Variants in PDE4B observed in about 807,000 individuals in gnomAD.
PDE4B encodes phosphodiesterase 4B.
Under a neutral mutation model 82.2 loss-of-function variants are expected in PDE4B, and 20 were observed. That is an observed-to-expected ratio of 0.24 (90% CI 0.17 to 0.35). PDE4B has a LOEUF of 0.35. Ranked by LOEUF, PDE4B falls within the 10% of genes least tolerant of loss-of-function variation. PDE4B has a pLI of 1.00. For synonymous variants in PDE4B, 320 were observed against 318.9 expected, an observed-to-expected ratio of 1.00 and a Z score of -0.04; for missense variants, 655 against 907.2, an observed-to-expected ratio of 0.72 and a Z score of 3.57.
intron 3 of PDE4B, among the ~76,000 whole-genome samples, chr1:66,132,509 A>G (rs1391716955): frequency 1.3e-5 from 2 of 152,140 alleles, no homozygotes; most frequent in African/African-American, 4.8e-5. Context: ...CATAATATAA[A>G]TTATACTGAC....
intron 3 of PDE4B, among the ~76,000 whole-genome samples, chr1:66,099,952 C>G (rs1645189380): frequency 6.6e-6 from 1 of 152,132 alleles, no homozygotes; most frequent in African/African-American, 2.4e-5. Context: ...TTTAACATCA[C>G]TTCATCAAAG....
At chr1:66,177,489 CG>C (rs988921825) in intron 3 of PDE4B, among the ~76,000 whole-genome samples, 1 of 152,188 alleles carries the variant, frequency 6.6e-6, no homozygotes, top group Non-Finnish European at 1.5e-5. Flanking sequence ...ATCTGACAAG[CG>C]TTGGTCTTTG....
rs1346578363 is a variant in PDE4B at position 65,883,871 on chromosome 1, C to T, written c.-70-29374C>T. Among the ~76,000 whole-genome samples, 24 of 152,042 alleles carry T rather than the reference C, an allele frequency of 1.6e-4. No homozygotes were observed. The East Asian group carries it at 3.7e-3, about 23-fold the overall frequency. ...ATTGAGAGTTTTCAGCATGAATGGC[C>T]GTTGAATTTTGTCAAAGGCCTTTTC... is the stretch of plus-strand genomic sequence containing the variant. On this transcript the variant is annotated intron_variant, in intron 1 of 16. Coordinates refer to ENST00000341517, the MANE Select transcript of PDE4B (RefSeq NM_002600.4).
chr1:66,016,814 C>A (rs997299580), intron 3 of PDE4B, among the ~76,000 whole-genome samples: 1 of 152,174 alleles, frequency 6.6e-6, no homozygotes, highest in African/African-American at 2.4e-5. Context: ...GGCTTCAATG[C>A]TTGCTTTTGA....
At chr1:66,071,716 C>G (rs1656164246) in intron 3 of PDE4B, among the ~76,000 whole-genome samples, 1 of 152,054 alleles carries the variant, frequency 6.6e-6, no homozygotes, top group South Asian at 2.1e-4. Context: ...TGGACAGCTT[C>G]CCTGTTATGA....
intron 7 of PDE4B, among the ~76,000 whole-genome samples, chr1:66,314,571 C>T (rs1443855600): frequency 6.6e-6 from 1 of 152,104 alleles, no homozygotes; most frequent in African/African-American, 2.4e-5. Flanking sequence ...CACCACTATG[C>T]CTGGCTAATT....
At chr1:66,352,613 C>G (rs1661924399) in intron 8 of PDE4B, among the ~76,000 whole-genome samples, 1 of 152,200 alleles carries the variant, frequency 6.6e-6, no homozygotes, top group Admixed American at 6.5e-5. Context: ...CCTACCCTCT[C>G]TAGACTGTTT....
intron 3 of PDE4B, among the ~76,000 whole-genome samples, chr1:66,235,320 A>C (rs1452263091): frequency 2.6e-5 from 4 of 152,052 alleles, no homozygotes; most frequent in African/African-American, 9.7e-5. Flanking sequence ...ATAATTGTGT[A>C]GTTTTCTATT....
At chr1:66,021,699 A>G (rs1350037795) in intron 3 of PDE4B, among the ~76,000 whole-genome samples, 1 of 151,940 alleles carries the variant, frequency 6.6e-6, no homozygotes, top group East Asian at 1.9e-4. Flanking sequence ...GTACCATGCT[A>G]TTTTGGTTAT....
At chr1:65,833,357 A>G (rs1221083784) in intron 1 of PDE4B, among the ~76,000 whole-genome samples, 1 of 152,182 alleles carries the variant, frequency 6.6e-6, no homozygotes, top group Non-Finnish European at 1.5e-5. Context: ...TTCTCCCCTC[A>G]CCAGACTTTA....
intron 7 of PDE4B, among the ~76,000 whole-genome samples, chr1:66,268,019 A>G (rs1655179863): frequency 6.6e-6 from 1 of 152,228 alleles, no homozygotes; most frequent in African/African-American, 2.4e-5. Flanking sequence ...TTTTCATGAT[A>G]GTAAGATCAG....
At chr1:66,177,923 A>G (rs1007389294) in intron 3 of PDE4B, among the ~76,000 whole-genome samples, 2 of 152,138 alleles carry the variant, frequency 1.3e-5, no homozygotes, top group East Asian at 1.9e-4. Flanking sequence ...TTCCAGTCAC[A>G]TCATCAAAAA....
intron 3 of PDE4B, among the ~76,000 whole-genome samples, chr1:66,044,119 G>C (rs1168453018): frequency 6.6e-6 from 1 of 151,526 alleles, no homozygotes; most frequent in Non-Finnish European, 1.5e-5. Flanking sequence ...CCTAATTTTT[G>C]CTTCTGAAGA....
intron 1 of PDE4B, among the ~76,000 whole-genome samples, chr1:65,805,874 A>C (rs907674939): frequency 1.3e-5 from 2 of 152,116 alleles, no homozygotes; most frequent in African/African-American, 4.8e-5. Context: ...TTCTCATTTG[A>C]AGCTTTTTAA....
At chr1:66,001,649 T>C (rs1200397200) in intron 3 of PDE4B, among the ~76,000 whole-genome samples, 1 of 152,214 alleles carries the variant, frequency 6.6e-6, no homozygotes, top group Non-Finnish European at 1.5e-5. Flanking sequence ...ACATATATTC[T>C]AATCTTTCTT....
At chr1:66,133,256 G>C (rs1645989246) in intron 3 of PDE4B, among the ~76,000 whole-genome samples, 1 of 152,108 alleles carries the variant, frequency 6.6e-6, no homozygotes, top group African/African-American at 2.4e-5. Flanking sequence ...AAATTTGTAA[G>C]GTCCAGGTGA....
intron 1 of PDE4B, among the ~76,000 whole-genome samples, chr1:65,818,683 C>CATATATATATATATAT (rs1471583640): frequency 2.2e-5 from 1 of 45,500 alleles, no homozygotes; most frequent in African/African-American, 5.9e-5. Flanking sequence ...CACACACACA[C>CATATATATATATATAT]ACATATATAT....
intron 3 of PDE4B, among the ~76,000 whole-genome samples, chr1:66,159,242 A>G (rs1254181610): frequency 6.6e-6 from 1 of 151,358 alleles, no homozygotes; most frequent in Non-Finnish European, 1.5e-5. Context: ...AAATAAAATA[A>G]AACTTTTTTT....
intron 3 of PDE4B, among the ~76,000 whole-genome samples, chr1:65,958,228 A>T (rs574213012): frequency 1.3e-5 from 2 of 152,040 alleles, no homozygotes; most frequent in South Asian, 4.1e-4. Context: ...TTTTCCCTGC[A>T]CTTATTGAGA....
Sources: allele counts gnomAD v4.1 joint callset (sites outside exome capture counted in the v4.1 genomes callset), GRCh38; gene constraint gnomAD v4.1.1; transcripts MANE v1.5; gene names NCBI Gene and HGNC (gene_info 2026-07-23, HGNC 2026-07-21).